The following HIVEP3 variants were observed in gnomAD, a reference collection of about 807,000 sequenced individuals.
The protein encoded by HIVEP3 is transcription factor HIVEP3.
A neutral mutation model predicts 152.8 loss-of-function variants in HIVEP3; 49 were observed. The ratio of observed to expected loss-of-function variants is 0.32; its 90% CI spans 0.26 to 0.41. HIVEP3 has a LOEUF of 0.41. Ranked by LOEUF, HIVEP3 falls within the 10% of genes least tolerant of loss-of-function variation. The pLI is 1.00. For missense variants in HIVEP3, 2,790 were observed against 3,103.3 expected (o/e 0.90, Z 2.40); for synonymous variants, 1,269 against 1,289.0 (o/e 0.98, Z 0.33).
At chr1:41,928,273 C>T (rs1240034540) in intron 1 of HIVEP3, among the ~76,000 whole-genome samples, 1 of 152,144 alleles carries the variant, frequency 6.6e-6, no homozygotes, top group Admixed American at 6.5e-5. Context: ...CCACAAGTCT[C>T]ACTCACAGTC....
intron 1 of HIVEP3, among the ~76,000 whole-genome samples, chr1:41,818,699 C>T (rs780089074): frequency 2.0e-5 from 3 of 152,128 alleles, no homozygotes; most frequent in Non-Finnish European, 2.9e-5. Flanking sequence ...TTATTATTCC[C>T]GTCTATAGGA....
At chr1:41,552,536 AG>A (rs1353661937) in intron 5 of HIVEP3, among the ~76,000 whole-genome samples, 1 of 147,022 alleles carries the variant, frequency 6.8e-6, no homozygotes, top group African/African-American at 2.5e-5. Flanking sequence ...GTCCCTACAA[AG>A]GACATGAACT....
intron 6 of HIVEP3, among the ~76,000 whole-genome samples, chr1:41,519,013 G>C (rs1174443147): frequency 6.6e-6 from 1 of 152,128 alleles, no homozygotes; most frequent in Non-Finnish European, 1.5e-5. Context: ...ATTCTAAAGT[G>C]TAGGTAGAGA....
At chr1:41,768,546 G>T (rs1648152919) in intron 1 of HIVEP3, among the ~76,000 whole-genome samples, 1 of 152,228 alleles carries the variant, frequency 6.6e-6, no homozygotes, top group Non-Finnish European at 1.5e-5. Flanking sequence ...ATTATAAAAA[G>T]GTGCTGGAAT....
intron 5 of HIVEP3, among the ~76,000 whole-genome samples, chr1:41,571,057 G>A (rs1644245244): frequency 6.6e-6 from 1 of 152,042 alleles, no homozygotes; most frequent in Non-Finnish European, 1.5e-5. Flanking sequence ...AGGTGGGATG[G>A]GAGCCAATGC....
chr1:41,782,971 A>C (rs1558265277), intron 1 of HIVEP3, among the ~76,000 whole-genome samples: 1 of 152,110 alleles, frequency 6.6e-6, no homozygotes, highest in East Asian at 1.9e-4. Context: ...TCCTTTTCAG[A>C]TCAGCAGCGG....
intron 1 of HIVEP3, among the ~76,000 whole-genome samples, chr1:42,021,341 T>C (rs1381143172): frequency 6.6e-6 from 1 of 152,150 alleles, no homozygotes; most frequent in Non-Finnish European, 1.5e-5. Flanking sequence ...GACTTGCTGA[T>C]GGCCTAAATG....
chr1:41,934,417 A>T (rs190570068), intron 1 of HIVEP3, among the ~76,000 whole-genome samples: 2 of 152,262 alleles, frequency 1.3e-5, no homozygotes. Context: ...CCTACTGGGT[A>T]CCCAGCAACC....
At chr1:41,981,406 G>C (rs7535334) in intron 1 of HIVEP3, among the ~76,000 whole-genome samples, 7 of 152,154 alleles carry the variant, frequency 4.6e-5, no homozygotes, top group African/African-American at 1.7e-4. Context: ...ACATTTGGAG[G>C]AGCCGGCTCC....
chr1:41,984,334 A>G (rs1211110245), intron 1 of HIVEP3, among the ~76,000 whole-genome samples: 1 of 152,188 alleles, frequency 6.6e-6, no homozygotes. Flanking sequence ...GAAAAAAATG[A>G]GCAAGCAGAC....
chr1:41,908,348 T>C (rs1293556881), intron 1 of HIVEP3, among the ~76,000 whole-genome samples: 1 of 152,194 alleles, frequency 6.6e-6, no homozygotes, highest in Non-Finnish European at 1.5e-5. Flanking sequence ...ACTACCTATA[T>C]CTACTCAATA....
chr1:41,793,628 G>GA (rs11361361), intron 1 of HIVEP3, among the ~76,000 whole-genome samples: 4 of 151,928 alleles, frequency 2.6e-5, no homozygotes, highest in African/African-American at 9.6e-5. Flanking sequence ...TAAAGCAATA[G>GA]AAAAAAAACA....
chr1:42,011,137 A>G (rs541517839), intron 1 of HIVEP3, among the ~76,000 whole-genome samples: 110 of 152,216 alleles, frequency 7.2e-4, no homozygotes, highest in African/African-American at 2.5e-3. Context: ...TTTAGCCACC[A>G]TTTCAGAAGA....
chr1:41,689,208 C>A (rs528814152), intron 2 of HIVEP3, among the ~76,000 whole-genome samples: 80 of 152,334 alleles, frequency 5.3e-4, no homozygotes, highest in African/African-American at 1.9e-3. Context: ...TAGAGTGGTT[C>A]TCTCTCTACC....
At chr1:41,613,426 A>AG (rs1307564208) in intron 3 of HIVEP3, among the ~76,000 whole-genome samples, 1 of 152,212 alleles carries the variant, frequency 6.6e-6, no homozygotes. Flanking sequence ...TTTGGAGAGC[A>AG]GGGGCTGTAT....
At chr1:41,921,492 C>A (rs578074450), upstream of HIVEP3, among the ~76,000 whole-genome samples, 1 of 152,306 alleles carries the variant, frequency 6.6e-6, no homozygotes, top group Non-Finnish European at 1.5e-5. Flanking sequence ...TGTGCCTCTG[C>A]TCCTCCTTCA....
intron 2 of HIVEP3, among the ~76,000 whole-genome samples, chr1:41,655,187 G>C (rs2124027991): frequency 6.6e-6 from 1 of 152,146 alleles, no homozygotes; most frequent in South Asian, 2.1e-4. Flanking sequence ...GTGCCCCATA[G>C]AGAAAGGAAA....
chr1:41,514,571 G>A (rs964397664), intron 7 of HIVEP3, among the ~76,000 whole-genome samples: 6 of 152,292 alleles, frequency 3.9e-5, no homozygotes, highest in Non-Finnish European at 7.3e-5. Context: ...TCCCAGCCAC[G>A]CTCTTATCTG....
chr1:41,844,413 C>T (rs929573177), intron 1 of HIVEP3, among the ~76,000 whole-genome samples: 7 of 152,204 alleles, frequency 4.6e-5, no homozygotes, highest in Non-Finnish European at 8.8e-5. Flanking sequence ...TAGCAACACA[C>T]GTTATCATGC....
Sources: gnomAD v4.1 joint callset for allele counts (sites outside exome capture counted in the v4.1 genomes callset) on GRCh38, gnomAD v4.1.1 for gene constraint, MANE v1.5 for transcripts, NCBI Gene and HGNC (gene_info 2026-07-23, HGNC 2026-07-21) for gene names.